The following MICAL2 variants were observed in gnomAD, a reference collection of about 807,000 sequenced individuals.
The protein encoded by MICAL2 is [F-actin]-monooxygenase MICAL2.
Under a neutral mutation model 127.3 loss-of-function variants are expected in MICAL2, and 77 were observed. That is an observed-to-expected ratio of 0.60 (90% CI 0.50 to 0.73). MICAL2 has a LOEUF of 0.73. MICAL2 is among the 30% of genes least tolerant of loss of function. MICAL2 has a pLI of 0.00. For missense variants in MICAL2, 1,351 were observed against 1,434.4 expected, an observed-to-expected ratio of 0.94 and a Z score of 0.94; for synonymous variants, 570 against 551.1, an observed-to-expected ratio of 1.03 and a Z score of -0.48.
intron 1 of MICAL2, among the ~76,000 whole-genome samples, chr11:12,129,512 T>C (rs971658532): frequency 6.6e-6 from 1 of 152,082 alleles, no homozygotes; most frequent in Admixed American, 6.6e-5. Flanking sequence ...GAGTTTCAGA[T>C]TGACTCTTCC....
intron 2 of MICAL2, among the ~76,000 whole-genome samples, chr11:12,150,609 C>T (rs1853469403): frequency 1.3e-5 from 2 of 152,140 alleles, no homozygotes; most frequent in Admixed American, 1.3e-4. Context: ...TTTTCAAGTT[C>T]ACTTGGCTGT....
intron 3 of MICAL2, among the ~76,000 whole-genome samples, chr11:12,178,949 T>C (rs1857138396): frequency 6.6e-6 from 1 of 152,170 alleles, no homozygotes. Context: ...TCGCCCCCAC[T>C]GTCCCACTTT....
At chr11:12,130,054 C>G (rs898379344) in intron 1 of MICAL2, among the ~76,000 whole-genome samples, 2 of 152,146 alleles carry the variant, frequency 1.3e-5, no homozygotes, top group African/African-American at 4.8e-5. Context: ...GGTCTTGTTA[C>G]TCCCGAACTA....
At chr11:12,287,390 CT>C (rs1863838733), downstream of MICAL2, 3 of 355,194 alleles carry the variant, frequency 8.4e-6, no homozygotes, top group Admixed American at 4.7e-5. Flanking sequence ...CACCCCACCC[CT>C]GGCTCAGGAA....
chr11:12,222,375 C>A (rs115887761), intron 10 of MICAL2, among the ~76,000 whole-genome samples: 151 of 152,346 alleles, frequency 9.9e-4, no homozygotes, highest in African/African-American at 3.6e-3. Flanking sequence ...CATCCCTCCC[C>A]CTGCCTGGGT....
Position 12,204,235 on chromosome 11 carries a change from C to G in MICAL2, c.265-15C>G. The G allele has an allele frequency of 6.2e-7, 1 of 1,612,418 alleles. No homozygotes were observed. Among genetic ancestry groups the G allele is most frequent in the Non-Finnish European group, 8.5e-7 (1 of 1,178,588 alleles). On this transcript the variant is annotated splice_polypyrimidine_tract_variant and intron_variant, in intron 3 of 27. Transcript: ENST00000683283. ...AGAGGTTACCAAGAGTCTCTCTCCT[C>G]TCTCACCTCTGCAGTGTCTCATAGT...
chr11:12,240,508 G>A (rs930486873), intron 17 of MICAL2, among the ~76,000 whole-genome samples: 3 of 152,200 alleles, frequency 2.0e-5, no homozygotes, highest in African/African-American at 7.2e-5. Flanking sequence ...TCTCCAGGAA[G>A]TGAAGGAATT....
downstream of MICAL2, chr11:12,292,213 A>T: frequency 6.2e-7 from 1 of 1,613,846 alleles, no homozygotes; most frequent in Non-Finnish European, 8.5e-7. Context: ...CTCTTCCTTC[A>T]TCGTCTTCCC....
intron 29 of MICAL2, among the ~76,000 whole-genome samples, chr11:12,313,167 CAAAAA>C (rs61207104): frequency 2.9e-5 from 2 of 69,286 alleles, no homozygotes; most frequent in Non-Finnish European, 4.8e-5. Context: ...GACTACATCT[CAAAAA>C]AAAAAAAAAA....
chr11:12,156,820 A>T (rs1210463663), intron 2 of MICAL2, among the ~76,000 whole-genome samples: 1 of 152,170 alleles, frequency 6.6e-6, no homozygotes, highest in Non-Finnish European at 1.5e-5. Context: ...AGATGGCCAT[A>T]ACTGAAGGTC....
intron 32 of MICAL2, among the ~76,000 whole-genome samples, chr11:12,328,415 G>A (rs1316487071): frequency 6.6e-6 from 1 of 152,182 alleles, no homozygotes; most frequent in Non-Finnish European, 1.5e-5. Context: ...TCTATAAGAT[G>A]AGAACCAGAG....
intron 4 of MICAL2, among the ~76,000 whole-genome samples, chr11:12,205,257 G>C (rs1386515849): frequency 6.6e-6 from 1 of 152,116 alleles, no homozygotes; most frequent in Non-Finnish European, 1.5e-5. Context: ...ACGGGTTTTG[G>C]GAAAGGCAGC....
chr11:12,224,642 A>G, intron 12 of MICAL2, 31 bp from the exon 13 acceptor site: 1 of 1,604,480 alleles, frequency 6.2e-7, no homozygotes, highest in Non-Finnish European at 8.5e-7. Flanking sequence ...ATTCCTGCAG[A>G]GCCTCACTGC....
At chr11:12,168,440 TACAC>T (rs1042286866) in intron 3 of MICAL2, among the ~76,000 whole-genome samples, 14 of 149,866 alleles carry the variant, frequency 9.3e-5, no homozygotes, top group Admixed American at 3.3e-4. Flanking sequence ...TATACACACA[TACAC>T]ACACCACACA....
chr11:12,120,553 C>T (rs2133464925), intron 1 of MICAL2, among the ~76,000 whole-genome samples: 1 of 152,192 alleles, frequency 6.6e-6, no homozygotes, highest in Admixed American at 6.5e-5. Flanking sequence ...CACAGAGTCC[C>T]ACAGTAGGGG....
intron 32 of MICAL2, among the ~76,000 whole-genome samples, chr11:12,339,161 C>T (rs955422800): frequency 2.0e-5 from 3 of 152,132 alleles, no homozygotes; most frequent in African/African-American, 2.4e-5. Context: ...TTTCTTTTTA[C>T]TCTTTTTTCT....
chr11:12,209,653 C>T (rs1590363000), intron 6 of MICAL2, 55 bp downstream of exon 6: 10 of 1,480,026 alleles, frequency 6.8e-6, no homozygotes, highest in Non-Finnish European at 9.4e-6. Flanking sequence ...GGAGAGGGTA[C>T]ATTGGGGAAG....
chr11:12,185,775 G>A (rs1240562145), intron 3 of MICAL2, among the ~76,000 whole-genome samples: 2 of 152,192 alleles, frequency 1.3e-5, no homozygotes, highest in Non-Finnish European at 2.9e-5. Flanking sequence ...GTGTAAAAAA[G>A]AAGATCCAGG....
rs182027059 is a variant in MICAL2 at position 12,338,783 on chromosome 11, C to T, written c.5516-11055C>T. Among the ~76,000 whole-genome samples, 7 of 152,252 alleles carry T rather than the reference C, an allele frequency of 4.6e-5. 2 individuals are homozygous for T. The highest frequency in any genetic ancestry group is 1.7e-4 in the African/African-American group (7 of 41,536). ...TCTTTAAGAATGTTGAATATTGGCC[C>T]CTACTCTCTTCTGGCTTGTAGAGTT... On this transcript the variant is annotated intron_variant, in intron 32 of 34. Transcript: ENST00000646065.
Sources: gnomAD v4.1 joint callset for allele counts (sites outside exome capture counted in the v4.1 genomes callset) on GRCh38, gnomAD v4.1.1 for gene constraint, MANE v1.5 for transcripts, NCBI Gene and HGNC (gene_info 2026-07-23, HGNC 2026-07-21) for gene names.